CPNE6: variants seen among roughly 807,000 people sequenced by gnomAD.
CPNE6 encodes the protein copine 6.
In CPNE6, 33 loss-of-function variants were observed where a neutral mutation model predicts 71.5. The ratio of observed to expected loss-of-function variants is 0.46; its 90% CI spans 0.35 to 0.62. The LOEUF (loss-of-function observed/expected upper bound fraction) is 0.62. Ranked by LOEUF, CPNE6 falls within the 20% of genes least tolerant of loss-of-function variation. The pLI is 0.00. For synonymous variants in CPNE6, 296 were observed against 293.0 expected, an observed-to-expected ratio of 1.01 and a Z score of -0.10; for missense variants, 576 against 747.3, an observed-to-expected ratio of 0.77 and a Z score of 2.67.
chr14:24,075,709 C>A lies in CPNE6; in HGVS notation c.864+118C>A. On this transcript the variant is annotated intron_variant, in intron 10 of 17. Transcript: ENST00000397016. This position sits in a 1 kb window ranked among gnomAD's most constrained non-coding sequence, Gnocchi z 4.3. ...CTCTGCTTCTGGGAACTGGAAACCA[C>A]CCCCAACTGCAACCCAAAAAACTCT... The A allele has an allele frequency of 3.7e-6, 5 of 1,342,410 alleles. No homozygotes were observed. The highest frequency in any genetic ancestry group is 5.3e-6 in the Non-Finnish European group (5 of 951,734). The allele number at this position is 1,342,410 out of a possible 1,614,324, so 83.2% of individuals were successfully genotyped here. A position where few individuals can be genotyped will look rare whatever the true frequency, so the allele number is the denominator to read the frequency against.
rs927686306 is a variant in CPNE6 at position 24,077,616 on chromosome 14, G to T, written c.1560G>T (p.Lys520Asn). ...AGGCTGCCCCCTCTGCACTCGCCAA[G>T]TGTGTCCTGGCTGAGGTGCCACGGC... The change falls in exon 17 of 18, where the codon AAG (lysine) becomes AAT (asparagine). Residue 520 changes from lysine (K) to asparagine (N), a missense_variant. Physicochemically the swap from Lys to Asn is moderately conservative, Grantham distance 94 (BLOSUM62 0). Transcript: ENST00000397016. This position sits in a 1 kb window ranked among gnomAD's most constrained non-coding sequence, Gnocchi z 6.1. 1 of 1,591,022 alleles carries T rather than the reference G, an allele frequency of 6.3e-7. No homozygotes were observed. Among genetic ancestry groups the T allele is most frequent in the East Asian group, 2.2e-5 (1 of 44,718 alleles).
In CPNE6 at chr14:24,075,104, C is replaced by A; in HGVS notation, c.673-68C>A. 8.9e-7 allele frequency: 1 copy of A among 1,121,106 alleles called. No homozygotes were observed. The highest frequency in any genetic ancestry group is 1.4e-6 in the Non-Finnish European group (1 of 731,476). The allele number at this position is 1,121,106 out of a possible 1,614,324, so 69.4% of individuals were successfully genotyped here. On this transcript the variant is annotated intron_variant, in intron 8 of 17. Transcript: ENST00000397016. The surrounding 1 kb of genome is among the most constrained non-coding windows in gnomAD (Gnocchi z 4.3). ...GTCCCCCTACTCCAAGTCCCCGAGTCCCCCTACTCACCGTGAATACCGCAG... is the reference window on the plus strand; with the variant it reads ...GTCCCCCTACTCCAAGTCCCCGAGTACCCCTACTCACCGTGAATACCGCAG...
rs906299884 is a variant in CPNE6 at position 24,077,081 on chromosome 14, G to A, written c.1299+69G>A. 3.8e-5 allele frequency: 60 copies of A among 1,597,806 alleles called. No homozygotes were observed. In the African/African-American group the frequency reaches 6.5e-4, roughly 17 times the overall value. On this transcript the variant is annotated intron_variant, in intron 15 of 17. Transcript: ENST00000397016. This position sits in a 1 kb window ranked among gnomAD's most constrained non-coding sequence, Gnocchi z 6.1. ...TTAAGTGGTGCCAGGGCCAGGGTCT[G>A]CACCTTGGTGGAAACGGTGTCAACG... is the stretch of plus-strand genomic sequence containing the variant.
chr14:24,074,333 C>A lies in CPNE6; in HGVS notation c.466C>A (p.Leu156Ile). 1 of 1,566,734 alleles carries A rather than the reference C, an allele frequency of 6.4e-7. No individual in the cohort carries two copies. The highest frequency in any genetic ancestry group is 8.7e-7 in the Non-Finnish European group (1 of 1,156,038). ...ATCAGGCACAAACGACTATGTGCAA[C>A]TCACCTTCAGAGCCTACAAGCTGGA... The change falls in exon 6 of 18, where the codon CTC becomes ATC. Residue 156 changes from leucine (L) to isoleucine (I), a missense_variant. Leu to Ile is a conservative substitution (Grantham distance 5). Coordinates refer to ENST00000397016, the Ensembl canonical transcript of CPNE6. This position sits in a 1 kb window ranked among gnomAD's most constrained non-coding sequence, Gnocchi z 4.5.
chr14:24,072,906 T>G, intron 2 of CPNE6, 27 bp from the exon 2 acceptor site: 1 of 1,506,324 alleles, frequency 6.6e-7, no homozygotes, highest in Non-Finnish European at 8.9e-7. Flanking sequence ...CTTTCCAGAG[T>G]CCAGGCCACC....
At chr14:24,071,501 G>GCGCCCCCCCC in intron 1 of CPNE6, 61 bp from the exon 1 acceptor site, 10 of 1,416,694 alleles carry the variant, frequency 7.1e-6, no homozygotes, top group Non-Finnish European at 7.5e-6. Context: ...CTGGTGCTGC[G>GCGCCCCCCCC]CCCCCCCCCA....
exon 13 of CPNE6, chr14:24,076,365 A>G: frequency 1.9e-6 from 3 of 1,614,194 alleles, no homozygotes; most frequent in Non-Finnish European, 2.5e-6. Context: ...CCCAGTGATA[A>G]GCGGTTCCCA....
Position 24,077,490 on chromosome 14 carries a change from C to T in CPNE6, c.1536+100C>T, listed in dbSNP as rs747191640. 1.2e-5 allele frequency: 18 copies of T among 1,565,208 alleles called. No homozygotes were observed. Among genetic ancestry groups the T allele is most frequent in the South Asian group, 1.1e-4 (10 of 89,892 alleles). ...ACCATTTGATGTCCTGCTAAGGACG[C>T]GGGAGCCCAGCTGGCCACCCTGAAG... On this transcript the variant is annotated intron_variant, in intron 16 of 17. Transcript: ENST00000397016. The surrounding 1 kb of genome is among the most constrained non-coding windows in gnomAD (Gnocchi z 6.1).
chr14:24,073,060 C>T lies in CPNE6; in HGVS notation c.124C>T (p.Pro42Ser). ...CCGGGACACACTCACCAAACCCCAC[C>T]CCTGCGTGCTGCTCAAGCTCTACTC... The change falls in exon 3 of 18, where the codon CCC becomes TCC. Residue 42 changes from proline (P) to serine (S), a missense_variant. Around this residue, in one of 4 missense-constraint regions of CPNE6, gnomAD observed 89 missense variants for 80.4 expected, o/e 1.11. Transcript: ENST00000397016. The surrounding 1 kb of genome is among the most constrained non-coding windows in gnomAD (Gnocchi z 5.5). The T allele has an allele frequency of 6.5e-7, 1 of 1,538,860 alleles. No homozygotes were observed. The highest frequency in any genetic ancestry group is 1.4e-5 in the African/African-American group (1 of 70,962).
intron 1 of CPNE6, 61 bp from the exon 1 acceptor site, chr14:24,071,501 G>GGCCCCCCCCCCCCCC: frequency 3.5e-6 from 5 of 1,416,700 alleles, no homozygotes; most frequent in East Asian, 2.7e-5. Flanking sequence ...CTGGTGCTGC[G>GGCCCCCCCCCCCCCC]CCCCCCCCCA....
At position 24,073,966 on chromosome 14, in the gene CPNE6, C is replaced by CA; in HGVS notation, c.349-84dup. ...CAAAGTGCCAACCCTTGCAGACACT[C>CA]AGAGCATTTATTATTCCATCCCTTG... On this transcript the variant is annotated intron_variant, in intron 4 of 17. Transcript: ENST00000397016. This position sits in a 1 kb window ranked among gnomAD's most constrained non-coding sequence, Gnocchi z 5.5. 1 of 1,276,590 alleles carries CA rather than the reference C, an allele frequency of 7.8e-7. No individual in the cohort carries two copies. Among genetic ancestry groups the CA allele is most frequent in the Non-Finnish European group, 1.1e-6 (1 of 874,146 alleles). The allele number at this position is 1,276,590 out of a possible 1,614,324, so 79.1% of individuals were successfully genotyped here.
exon 13 of CPNE6, chr14:24,076,369 G>C (rs377321173): frequency 1.9e-6 from 3 of 1,614,204 alleles, no homozygotes; most frequent in Non-Finnish European, 2.5e-6. Flanking sequence ...GTGATAAGCG[G>C]TTCCCAGCTT....
At position 24,077,864 on chromosome 14, in the gene CPNE6, T is replaced by A; in HGVS notation, c.*38-24T>A. 1.0e-6 allele frequency: 1 copy of A among 980,410 alleles called. No homozygotes were observed. The highest frequency in any genetic ancestry group is 1.4e-6 in the Non-Finnish European group (1 of 715,388). The allele number at this position is 980,410 out of a possible 1,614,324, so 60.7% of individuals were successfully genotyped here. On this transcript the variant is annotated intron_variant, in intron 17 of 17. Transcript: ENST00000397016. The surrounding 1 kb of genome is among the most constrained non-coding windows in gnomAD (Gnocchi z 6.1). Reference sequence around the variant, plus strand: ...TGGGTGTAGTGTAGAAGAGAGTGCTTATGACTCTCCCACCCCCTCCCAGGT... The same window carrying A: ...TGGGTGTAGTGTAGAAGAGAGTGCTAATGACTCTCCCACCCCCTCCCAGGT...
chr14:24,073,716 C>T lies in CPNE6; in HGVS notation c.348+38C>T. ...GGCCTCCCCGGCTACCCTACCCTAC[C>T]TCCATCAGCTTTGCCTCTGGAAGCC... On this transcript the variant is annotated intron_variant, in intron 4 of 17. Transcript: ENST00000397016. This position sits in a 1 kb window ranked among gnomAD's most constrained non-coding sequence, Gnocchi z 5.5. The T allele has an allele frequency of 6.3e-7, 1 of 1,579,834 alleles. No homozygotes were observed. Among genetic ancestry groups the T allele is most frequent in the South Asian group, 1.2e-5 (1 of 86,432 alleles).
chr14:24,075,923 A>C lies in CPNE6; in HGVS notation c.924+37A>C, dbSNP rs1336767093. 6.2e-7 allele frequency: 1 copy of C among 1,609,530 alleles called. No homozygotes were observed. The highest frequency in any genetic ancestry group is 1.1e-5 in the South Asian group (1 of 90,956). On this transcript the variant is annotated intron_variant, in intron 11 of 17. Transcript: ENST00000397016. This position sits in a 1 kb window ranked among gnomAD's most constrained non-coding sequence, Gnocchi z 4.3. ...GAGGGAGGGCACACAGGCAAGAGGG[A>C]GGGGCTGAGTCCATAGTGAAAGGAA...
At position 24,074,238 on chromosome 14, in the gene CPNE6, G is replaced by A; in HGVS notation, c.424-53G>A. 1 of 1,599,654 alleles carries A rather than the reference G, an allele frequency of 6.3e-7. No homozygotes were observed. The highest frequency in any genetic ancestry group is 1.1e-5 in the South Asian group (1 of 90,738). ...CCCCACCTAAGGGAAAGGGGATGGG[G>A]TGGCCCTTGTGGTAAGGTTAGGGGA... On this transcript the variant is annotated intron_variant, in intron 5 of 17. Coordinates refer to ENST00000397016, the Ensembl canonical transcript of CPNE6. The surrounding 1 kb of genome is among the most constrained non-coding windows in gnomAD (Gnocchi z 4.5).
At position 24,071,557 on chromosome 14, in the gene CPNE6, G is replaced by C. The variant is rs750236308; in HGVS notation, c.-89G>C. On this transcript the variant is annotated 5_prime_UTR_variant, in exon 2 of 18. Coordinates refer to ENST00000397016, the Ensembl canonical transcript of CPNE6. Reference sequence around the variant, plus strand: ...ATAAATAGCAGCAGAGCCGGAGCTGGAGCCGGCGCCAGCGGCTGGAGCAGC... The same window carrying C: ...ATAAATAGCAGCAGAGCCGGAGCTGCAGCCGGCGCCAGCGGCTGGAGCAGC... 1.3e-5 allele frequency: 19 copies of C among 1,515,174 alleles called. 1 individual carries two copies. In the South Asian group the frequency reaches 2.3e-4, roughly 18 times the overall value. The allele number at this position is 1,515,174 out of a possible 1,614,324, so 93.9% of individuals were successfully genotyped here.
intron 1 of CPNE6, chr14:24,071,149 A>G: frequency 9.5e-6 from 11 of 1,157,184 alleles, no homozygotes; most frequent in East Asian, 2.6e-5. Context: ...ATGTTTCCCA[A>G]TGTGTATCCG....
At position 24,074,027 on chromosome 14, in the gene CPNE6, G is replaced by T; in HGVS notation, c.349-24G>T. On this transcript the variant is annotated intron_variant, in intron 4 of 17. Coordinates refer to ENST00000397016, the Ensembl canonical transcript of CPNE6. The surrounding 1 kb of genome is among the most constrained non-coding windows in gnomAD (Gnocchi z 4.5). ...AGGCAGATGGGGATGTCACAGCTGG[G>T]TCTCCCTCCACCTCCATCCCCAGAT... The T allele has an allele frequency of 1.2e-6, 2 of 1,605,202 alleles. No homozygotes were observed. The highest frequency in any genetic ancestry group is 1.7e-6 in the Non-Finnish European group (2 of 1,171,900).
Sources: allele counts gnomAD v4.1 joint callset, GRCh38; gene constraint gnomAD v4.1.1; regional missense constraint gnomAD v4.1.1; non-coding constraint Gnocchi (gnomAD v3.1); transcripts MANE v1.5; gene names NCBI Gene and HGNC (gene_info 2026-07-23, HGNC 2026-07-21).